AP3S2: variants seen among roughly 807,000 people sequenced by gnomAD.
AP3S2 encodes AP-3 complex subunit sigma-2.
Under a neutral mutation model 23.4 loss-of-function variants are expected in AP3S2, and 22 were observed. The ratio of observed to expected loss-of-function variants is 0.94; its 90% CI spans 0.67 to 1.34. The LOEUF is 1.34. Ranked by LOEUF, AP3S2 falls within the 40% of genes most tolerant of loss-of-function variation. AP3S2 has a pLI of 0.00. For missense variants in AP3S2, 241 were observed against 236.9 expected, an observed-to-expected ratio of 1.02 and a Z score of -0.11; for synonymous variants, 86 against 87.1, an observed-to-expected ratio of 0.99 and a Z score of 0.07.
intron 4 of AP3S2, among the ~76,000 whole-genome samples, chr15:89,846,580 G>T (rs1895496691): frequency 6.6e-6 from 1 of 151,744 alleles, no homozygotes; most frequent in Admixed American, 6.6e-5. Flanking sequence ...AGGCTGGAGT[G>T]CAGTGGTGCG....
rs760432549 is a variant in AP3S2, at chr15:89,871,476, T to C, written c.344A>G (p.Lys115Arg). Reference protein sequence around the residue: ...CELDLIFHMDKVHYILQEVVM... With the variant: ...CELDLIFHMDRVHYILQEVVM... ...GAAGAGAACTGCAAGAGAATATACC[T>C]TATCCATATGGAAGATCAAATCCAA... Residue 115 changes from lysine (K) to arginine (R), a missense_variant and splice_region_variant, in exon 4 of 6, where the codon AAG becomes AGG. Physicochemically the swap from Lys to Arg is conservative, Grantham distance 26. Coordinates refer to ENST00000336418, the MANE Select transcript of AP3S2 (RefSeq NM_005829.5). 5.0e-6 allele frequency: 8 copies of C among 1,613,478 alleles called. No individual in the cohort carries two copies. Among genetic ancestry groups the C allele is most frequent in the Non-Finnish European group, 6.8e-6 (8 of 1,179,844 alleles).
intron 1 of AP3S2, among the ~76,000 whole-genome samples, chr15:89,891,616 G>A (rs542610102): frequency 5.7e-4 from 86 of 151,408 alleles, no homozygotes; most frequent in African/African-American, 1.9e-3. Context: ...CCGAGATCAC[G>A]CCACTGCAGC....
chr15:89,843,346 A>T (rs1895379318), intron 4 of AP3S2, among the ~76,000 whole-genome samples: 1 of 151,074 alleles, frequency 6.6e-6, no homozygotes, highest in African/African-American at 2.4e-5. Context: ...GACTGGAAAA[A>T]CTATGGCAGG....
chr15:89,893,880 C>G lies in AP3S2; in HGVS notation c.69+1G>C, dbSNP rs1335553659. 1.3e-6 allele frequency: 2 copies of G among 1,551,706 alleles called. No homozygotes were observed. The highest frequency in any genetic ancestry group is 1.7e-4 in the Middle Eastern group (1 of 5,990). The stretch of plus-strand genomic sequence containing the variant: ...GCGTGGTGAAGCCGGGCCGCACTCA[C>G]GAAACGCTGGTAGAAGCGGACTAGC... On this transcript the variant is annotated splice_donor_variant, in intron 1 of 5. Transcript: ENST00000336418. LOFTEE classifies it high-confidence loss of function.
chr15:89,880,991 CAG>C (rs1402046442), intron 3 of AP3S2, among the ~76,000 whole-genome samples: 20 of 152,278 alleles, frequency 1.3e-4, no homozygotes, highest in South Asian at 8.3e-4. Flanking sequence ...GATGATGTGA[CAG>C]GGGTTACTTC....
intron 4 of AP3S2, among the ~76,000 whole-genome samples, chr15:89,868,403 CT>C (rs1170538186): frequency 2.8e-5 from 2 of 70,282 alleles, no homozygotes; most frequent in African/African-American, 5.5e-5. Context: ...GGGGTCAGCC[CT>C]CCGCCCGGCC....
intron 4 of AP3S2, among the ~76,000 whole-genome samples, chr15:89,856,467 G>T (rs538766428): frequency 6.6e-6 from 1 of 152,210 alleles, no homozygotes; most frequent in East Asian, 1.9e-4. Flanking sequence ...TTGGGAGGCC[G>T]AGGTGGACAG....
chr15:89,879,524 A>C (rs1286937301), intron 3 of AP3S2, among the ~76,000 whole-genome samples: 1 of 152,238 alleles, frequency 6.6e-6, no homozygotes, highest in East Asian at 1.9e-4. Context: ...CCGTCAAAAA[A>C]AACTGCATGT....
chr15:89,876,074 G>A (rs1260616834), intron 3 of AP3S2, among the ~76,000 whole-genome samples: 1 of 152,206 alleles, frequency 6.6e-6, no homozygotes, highest in Admixed American at 6.5e-5. Context: ...AAAAGAAGTA[G>A]TCTCAATCCA....
chr15:89,857,743 T>G (rs1474244478), intron 4 of AP3S2, among the ~76,000 whole-genome samples: 1 of 152,212 alleles, frequency 6.6e-6, no homozygotes. Flanking sequence ...CATTAACTTT[T>G]CCTCTAAGAA....
intron 1 of AP3S2, among the ~76,000 whole-genome samples, chr15:89,889,778 T>C (rs991948689): frequency 6.9e-6 from 1 of 145,520 alleles, no homozygotes; most frequent in Admixed American, 7.2e-5. Flanking sequence ...GCAGGAGAAC[T>C]GCTTGAACCC....
At chr15:89,839,467 A>C (rs954265544) in intron 4 of AP3S2, among the ~76,000 whole-genome samples, 1 of 152,236 alleles carries the variant, frequency 6.6e-6, no homozygotes. Context: ...TATGCAAATG[A>C]AGATTTAATG....
intron 4 of AP3S2, among the ~76,000 whole-genome samples, chr15:89,866,121 G>T (rs2141872709): frequency 6.6e-6 from 1 of 151,972 alleles, no homozygotes; most frequent in South Asian, 2.1e-4. Context: ...AATTAGCCGG[G>T]CATGGTGGCA....
intron 4 of AP3S2, among the ~76,000 whole-genome samples, chr15:89,844,816 T>C (rs1895446450): frequency 1.3e-5 from 2 of 152,202 alleles, no homozygotes; most frequent in African/African-American, 4.8e-5. Flanking sequence ...TACTCTTCCA[T>C]AGTTATCTTG....
intron 4 of AP3S2, among the ~76,000 whole-genome samples, chr15:89,841,839 G>T (rs1447999104): frequency 6.6e-6 from 1 of 151,838 alleles, no homozygotes; most frequent in East Asian, 1.9e-4. Context: ...ATCTAAACAG[G>T]ATCTATATAA....
intron 4 of AP3S2, among the ~76,000 whole-genome samples, chr15:89,856,121 C>G (rs1157880592): frequency 6.6e-6 from 1 of 152,112 alleles, no homozygotes; most frequent in African/African-American, 2.4e-5. Context: ...ACTTGAGGAA[C>G]ACAGGGTTCC....
intron 4 of AP3S2, among the ~76,000 whole-genome samples, chr15:89,870,792 A>C (rs1896300211): frequency 1.3e-5 from 2 of 152,204 alleles, no homozygotes; most frequent in South Asian, 4.1e-4. Flanking sequence ...CAAACCAAAG[A>C]CGCACCAGTA....
chr15:89,890,711 C>T (rs999588054), intron 1 of AP3S2, among the ~76,000 whole-genome samples: 1 of 152,128 alleles, frequency 6.6e-6, no homozygotes, highest in African/African-American at 2.4e-5. Context: ...TGGACTTGCC[C>T]CAAGAGTTAG....
chr15:89,878,577 T>C (rs1016310609), intron 3 of AP3S2, among the ~76,000 whole-genome samples: 1 of 152,160 alleles, frequency 6.6e-6, no homozygotes, highest in African/African-American at 2.4e-5. Flanking sequence ...TATCTTATTT[T>C]TGAGACAAGG....
Sources: allele counts gnomAD v4.1 joint callset (sites outside exome capture counted in the v4.1 genomes callset), GRCh38; gene constraint gnomAD v4.1.1; transcripts MANE v1.5; gene names NCBI Gene and HGNC (gene_info 2026-07-23, HGNC 2026-07-21).